The following NHS variants were observed in gnomAD, a reference collection of about 807,000 sequenced individuals.
The protein encoded by NHS is actin remodeling regulator NHS.
A neutral mutation model predicts 72.5 loss-of-function variants in NHS; 5 were observed. The ratio of observed to expected loss-of-function variants is 0.07; its 90% CI spans 0.04 to 0.14. The LOEUF is 0.14. Among genes scored for constraint, NHS ranks in the 10% least tolerant of loss-of-function variants. NHS has a pLI of 1.00. For missense variants in NHS, 1,072 were observed against 1,355.7 expected (o/e 0.79, Z 3.29); for synonymous variants, 464 against 547.7 (o/e 0.85, Z 2.13).
At chrX:17,672,506 G>A (rs181652458) in intron 1 of NHS, among the ~76,000 whole-genome samples, 13 of 112,687 alleles carry the variant, frequency 1.2e-4, no homozygotes, top group Non-Finnish European at 2.1e-4. Context: ...AAGAGGAAAC[G>A]GCTTTGGTGA....
chrX:17,602,231 CA>C (rs1411200773), intron 1 of NHS, among the ~76,000 whole-genome samples: 1 of 111,869 alleles, frequency 8.9e-6, no homozygotes, highest in East Asian at 2.8e-4. Context: ...AACAGAGAAC[CA>C]AACCTATGTG....
chrX:17,490,234 C>A (rs1421864148), intron 1 of NHS, among the ~76,000 whole-genome samples: 1 of 112,006 alleles, frequency 8.9e-6, no homozygotes, highest in Non-Finnish European at 1.9e-5. Context: ...CCTAGGTTTT[C>A]TTCTAGGGTT....
chrX:17,491,598 T>C (rs934878969), intron 1 of NHS, among the ~76,000 whole-genome samples: 9 of 110,989 alleles, frequency 8.1e-5, no homozygotes, highest in Non-Finnish European at 1.5e-4. Context: ...TGTTGTGTCT[T>C]TGCCAGGCTT....
chrX:17,684,932 CT>C (rs969061432), intron 1 of NHS, among the ~76,000 whole-genome samples: 1 of 111,952 alleles, frequency 8.9e-6, no homozygotes, highest in African/African-American at 3.2e-5. Flanking sequence ...TCCTAGGGCA[CT>C]AAGCCTGCTA....
Position 17,687,776 on chromosome X carries a change from T to C in NHS, c.600T>C (p.Ser200=), listed in dbSNP as rs750334033. The change falls in exon 2 of 9, where the codon AGT becomes AGC. Residue 200 remains serine, a synonymous_variant. Coordinates refer to ENST00000676302, the MANE Select transcript of NHS (RefSeq NM_001291867.2). The stretch of plus-strand genomic sequence containing the variant: ...ACCTGGACATAGAGAGTAAGCTGAG[T>C]GTGTACTACCGCGCCCCGTGGCACC... ...VSNLDIESKL[S]VYYRAPWHQQ... is the part of the protein sequence containing the mutation. 2 of 1,211,547 alleles carry C rather than the reference T, an allele frequency of 1.7e-6. No individual in the cohort carries two copies. Among genetic ancestry groups the C allele is most frequent in the East Asian group, 3.0e-5 (1 of 33,797 alleles).
chrX:17,559,420 C>T (rs1300104453), intron 1 of NHS, among the ~76,000 whole-genome samples: 2 of 112,020 alleles, frequency 1.8e-5, no homozygotes, highest in Non-Finnish European at 3.8e-5. Flanking sequence ...TGAGATGAGG[C>T]AGGGTGCTTT....
At chrX:17,414,085 G>A (rs748686794) in intron 1 of NHS, among the ~76,000 whole-genome samples, 115 of 111,748 alleles carry the variant, frequency 1.0e-3, no homozygotes, top group Non-Finnish European at 1.5e-3. Context: ...CTGTCCCAAG[G>A]TCCAGGCTAC....
chrX:17,418,111 A>G (rs945970687), intron 1 of NHS, among the ~76,000 whole-genome samples: 3 of 112,044 alleles, frequency 2.7e-5, no homozygotes, highest in Non-Finnish European at 5.6e-5. Context: ...ATGAAGCCTG[A>G]TATTTTCACT....
intron 1 of NHS, among the ~76,000 whole-genome samples, chrX:17,537,046 C>G (rs1166203412): frequency 8.9e-6 from 1 of 111,841 alleles, no homozygotes; most frequent in Non-Finnish European, 1.9e-5. Flanking sequence ...CAAAGTCTTG[C>G]CAGATGGAAA....
intron 1 of NHS, among the ~76,000 whole-genome samples, chrX:17,454,997 A>G (rs764876172): frequency 1.8e-5 from 2 of 112,013 alleles, no homozygotes; most frequent in Admixed American, 9.5e-5. Context: ...TTGAGCTCCA[A>G]GCTTAAGCAT....
intron 1 of NHS, among the ~76,000 whole-genome samples, chrX:17,552,970 C>T (rs1315330889): frequency 8.9e-6 from 1 of 112,937 alleles, no homozygotes; most frequent in Non-Finnish European, 1.9e-5. Context: ...CCAAAGTTCT[C>T]ACAGCTTTCA....
At chrX:17,450,004 A>C (rs1461656807) in intron 1 of NHS, among the ~76,000 whole-genome samples, 1 of 111,614 alleles carries the variant, frequency 9.0e-6, no homozygotes, top group Non-Finnish European at 1.9e-5. Flanking sequence ...AAAATGGGAG[A>C]CATGCTCTGG....
intron 3 of NHS, among the ~76,000 whole-genome samples, chrX:17,715,301 C>G (rs1000123947): frequency 8.9e-6 from 1 of 112,464 alleles, no homozygotes; most frequent in Non-Finnish European, 1.9e-5. Flanking sequence ...TCCTGAGTTA[C>G]TTCACTTAGA....
chrX:17,399,281 T>C (rs1198320107), intron 1 of NHS, among the ~76,000 whole-genome samples: 1 of 111,214 alleles, frequency 9.0e-6, no homozygotes, highest in Non-Finnish European at 1.9e-5. Flanking sequence ...TTTGTATTTT[T>C]AGTAGAGACA....
chrX:17,723,785 G>A (rs1279161789), intron 5 of NHS, among the ~76,000 whole-genome samples: 1 of 107,935 alleles, frequency 9.3e-6, no homozygotes, highest in Non-Finnish European at 1.9e-5. Context: ...GCGCGTGCGC[G>A]CATGGGGAAT....
intron 1 of NHS, among the ~76,000 whole-genome samples, chrX:17,408,978 A>AGC (rs1491058338): frequency 6.3e-5 from 7 of 110,640 alleles, no homozygotes; most frequent in Non-Finnish European, 1.1e-4. Flanking sequence ...AGAGAGAGAG[A>AGC]GCAAGGGAGC....
At chrX:17,550,199 A>G (rs1458918576) in intron 1 of NHS, among the ~76,000 whole-genome samples, 1 of 112,216 alleles carries the variant, frequency 8.9e-6, no homozygotes, top group Non-Finnish European at 1.9e-5. Context: ...AATTCACGTC[A>G]CAGGGCAGTC....
chrX:17,611,228 A>G (rs2147056698), intron 1 of NHS, among the ~76,000 whole-genome samples: 1 of 112,566 alleles, frequency 8.9e-6, no homozygotes, highest in Non-Finnish European at 1.9e-5. Context: ...TGTCAGATTT[A>G]AGAACTAATT....
At chrX:17,600,279 A>G (rs2065642935) in intron 1 of NHS, among the ~76,000 whole-genome samples, 1 of 99,144 alleles carries the variant, frequency 1.0e-5, no homozygotes, top group Admixed American at 1.1e-4. Flanking sequence ...GCTGAGACAG[A>G]GAGAGACAGA....
Sources: gnomAD v4.1 joint callset for allele counts (sites outside exome capture counted in the v4.1 genomes callset) on GRCh38, gnomAD v4.1.1 for gene constraint, MANE v1.5 for transcripts, NCBI Gene and HGNC (gene_info 2026-07-23, HGNC 2026-07-21) for gene names.